Variants in ADAMTSL1 observed in about 807,000 individuals in gnomAD.
ADAMTSL1 encodes the protein ADAMTS like 1, also known as ADAMTS-like protein 1.
Under a neutral mutation model 201.8 loss-of-function variants are expected in ADAMTSL1, and 126 were observed. That is an observed-to-expected ratio of 0.62 (90% CI 0.54 to 0.72). ADAMTSL1 has a LOEUF of 0.72. Among genes scored for constraint, ADAMTSL1 ranks in the 30% least tolerant of loss-of-function variants. The probability of loss-of-function intolerance (pLI) is 0.00; values close to 1 mark genes in which losing one functional copy is unlikely to be tolerated. For missense variants in ADAMTSL1, 2,679 were observed against 2,277.8 expected (o/e 1.18, Z -3.59); for synonymous variants, 1,121 against 903.4 (o/e 1.24, Z -4.32).
intron 1 of ADAMTSL1, among the ~76,000 whole-genome samples, chr9:17,942,294 C>T (rs1827269720): frequency 6.6e-6 from 1 of 152,022 alleles, no homozygotes. Flanking sequence ...CAAATATTAC[C>T]TTGTATTACC....
intron 2 of ADAMTSL1, among the ~76,000 whole-genome samples, chr9:18,345,436 CTT>C (rs1190772459): frequency 1.3e-5 from 2 of 152,080 alleles, no homozygotes; most frequent in African/African-American, 4.8e-5. Context: ...TCAAATGAAT[CTT>C]TGGCCAATAA....
chr9:18,332,302 A>G (rs1395447491), intron 2 of ADAMTSL1, among the ~76,000 whole-genome samples: 5 of 152,182 alleles, frequency 3.3e-5, no homozygotes, highest in African/African-American at 9.7e-5. Context: ...ATAATTTTAT[A>G]TTTAGGGATG....
intron 1 of ADAMTSL1, among the ~76,000 whole-genome samples, chr9:17,982,696 A>C (rs1160629593): frequency 1.3e-5 from 2 of 152,216 alleles, no homozygotes; most frequent in Non-Finnish European, 2.9e-5. Context: ...TCACAGGCTC[A>C]GTTTAAATGG....
intron 7 of ADAMTSL1, among the ~76,000 whole-genome samples, chr9:18,641,111 C>T (rs1049527960): frequency 6.6e-5 from 10 of 152,060 alleles, no homozygotes; most frequent in Admixed American, 5.9e-4. Flanking sequence ...CTTACACTCT[C>T]ATAACTCATT....
chr9:18,575,218 C>T (rs1822631817), intron 4 of ADAMTSL1, among the ~76,000 whole-genome samples: 1 of 151,994 alleles, frequency 6.6e-6, no homozygotes, highest in African/African-American at 2.4e-5. Context: ...AAGGCAAAAA[C>T]TGTAGTGTAA....
chr9:18,391,824 C>CTTTTTT (rs11407945), intron 2 of ADAMTSL1, among the ~76,000 whole-genome samples: 56 of 116,708 alleles, frequency 4.8e-4, no homozygotes, highest in East Asian at 1.0e-3. Flanking sequence ...TCTTTTCTTT[C>CTTTTTT]TTTTTTTTTT....
chr9:18,286,135 C>G (rs1473553218), intron 2 of ADAMTSL1, among the ~76,000 whole-genome samples: 1 of 152,124 alleles, frequency 6.6e-6, no homozygotes, highest in Non-Finnish European at 1.5e-5. Context: ...GAGGACAGTA[C>G]TCAAATCAAC....
chr9:17,974,660 C>T (rs1025552111), intron 1 of ADAMTSL1, among the ~76,000 whole-genome samples: 1 of 151,988 alleles, frequency 6.6e-6, no homozygotes, highest in African/African-American at 2.4e-5. Context: ...ATAGTGTCCT[C>T]CAGATTCATC....
intron 14 of ADAMTSL1, among the ~76,000 whole-genome samples, chr9:18,712,234 C>T (rs1053123655): frequency 3.3e-5 from 5 of 152,240 alleles, no homozygotes; most frequent in Non-Finnish European, 7.3e-5. Flanking sequence ...AGCAACGGAA[C>T]AAAGCTGGAC....
At chr9:18,716,993 A>G (rs1481850221) in intron 14 of ADAMTSL1, among the ~76,000 whole-genome samples, 1 of 133,550 alleles carries the variant, frequency 7.5e-6, no homozygotes, top group African/African-American at 2.6e-5. Flanking sequence ...CAAGAACAAA[A>G]AACCAAACCG....
At chr9:18,411,662 A>G (rs1266623909) in intron 2 of ADAMTSL1, among the ~76,000 whole-genome samples, 1 of 152,216 alleles carries the variant, frequency 6.6e-6, no homozygotes. Flanking sequence ...CTTAAAAAAT[A>G]TCAGTATTTT....
At chr9:18,681,707 G>GA (rs1554728696) in intron 11 of ADAMTSL1, 105 bp from the exon 12 acceptor site, 2 of 739,844 alleles carry the variant, frequency 2.7e-6, no homozygotes, top group Non-Finnish European at 3.8e-6. Context: ...TGGGGGGGGG[G>GA]GGCGGGGAAA....
At chr9:18,350,884 A>G (rs897120289) in intron 2 of ADAMTSL1, among the ~76,000 whole-genome samples, 8 of 152,156 alleles carry the variant, frequency 5.3e-5, no homozygotes, top group African/African-American at 1.9e-4. Flanking sequence ...AAATTTTTCT[A>G]TTAGGAGAAA....
At chr9:18,707,479 CTG>C (rs2133336086) in intron 14 of ADAMTSL1, among the ~76,000 whole-genome samples, 1 of 152,300 alleles carries the variant, frequency 6.6e-6, no homozygotes, top group African/African-American at 2.4e-5. Flanking sequence ...AAAGTAATAT[CTG>C]TTTACATCTC....
At chr9:18,326,939 A>G (rs888495522) in intron 2 of ADAMTSL1, among the ~76,000 whole-genome samples, 6 of 152,234 alleles carry the variant, frequency 3.9e-5, no homozygotes, top group African/African-American at 1.4e-4. Flanking sequence ...AATTGAGACC[A>G]GTTAAATATT....
intron 20 of ADAMTSL1, among the ~76,000 whole-genome samples, chr9:18,804,981 G>A (rs1404288576): frequency 6.6e-6 from 1 of 152,132 alleles, no homozygotes; most frequent in East Asian, 1.9e-4. Context: ...ACCTTATACT[G>A]TACTCAAATA....
chr9:18,176,878 T>C (rs891636177), intron 2 of ADAMTSL1, among the ~76,000 whole-genome samples: 3 of 152,206 alleles, frequency 2.0e-5, no homozygotes, highest in Admixed American at 6.5e-5. Flanking sequence ...ATCCTGTTAA[T>C]AGGAAAATCT....
chr9:18,116,152 A>C (rs1825239997), intron 1 of ADAMTSL1, among the ~76,000 whole-genome samples: 1 of 152,138 alleles, frequency 6.6e-6, no homozygotes, highest in Admixed American at 6.6e-5. Context: ...TCATATGTTA[A>C]GAGATTATAA....
chr9:18,146,078 A>G (rs1457727102), intron 1 of ADAMTSL1, among the ~76,000 whole-genome samples: 2 of 152,170 alleles, frequency 1.3e-5, no homozygotes, highest in African/African-American at 4.8e-5. Flanking sequence ...ACTAGTCAAT[A>G]TTAATTGTTG....
Sources: gnomAD v4.1 joint callset for allele counts (sites outside exome capture counted in the v4.1 genomes callset) on GRCh38, gnomAD v4.1.1 for gene constraint, MANE v1.5 for transcripts, NCBI Gene and HGNC (gene_info 2026-07-23, HGNC 2026-07-21) for gene names.